The following SLIT1 variants were observed in gnomAD, a reference collection of about 807,000 sequenced individuals.
SLIT1 encodes the protein slit homolog 1 protein.
In SLIT1, 66 loss-of-function variants were observed where a neutral mutation model predicts 186.1. That is an observed-to-expected ratio of 0.35 (90% confidence interval 0.29 to 0.44). The LOEUF is 0.44. SLIT1 is among the 20% of genes least tolerant of loss of function. SLIT1 has a pLI of 1.00. For synonymous variants in SLIT1, 761 were observed against 833.8 expected, an observed-to-expected ratio of 0.91 and a Z score of 1.50; for missense variants, 1,638 against 2,037.4, an observed-to-expected ratio of 0.80 and a Z score of 3.77.
chr10:97,066,848 C>G (rs911014618), intron 4 of SLIT1, among the ~76,000 whole-genome samples: 1 of 152,212 alleles, frequency 6.6e-6, no homozygotes, highest in Non-Finnish European at 1.5e-5. Context: ...TTCAGCCCCC[C>G]ACAGCATCGT....
At position 97,037,750 on chromosome 10, in the gene SLIT1, G is replaced by A; in HGVS notation, c.2314C>T (p.Gln772Ter). 1 of 1,607,412 alleles carries A rather than the reference G, an allele frequency of 6.2e-7. No individual in the cohort carries two copies. Among genetic ancestry groups the A allele is most frequent in the Admixed American group, 1.7e-5 (1 of 59,876 alleles). ...AGCTGTCCCGGAACCAGCGTGAACT[G>A]GTTCCCGTCCAAATAGCTGCAGAGA... is the stretch of plus-strand genomic sequence containing the variant. ...NVTELYLDGNQFTLVPGQLST... is the reference protein window; with the variant it reads ...NVTELYLDGN Residue 772 changes from glutamine to a stop codon, truncating the protein, a stop_gained, in exon 22 of 37, where the codon CAG (glutamine) becomes TAG (stop). Transcript: ENST00000266058. LOFTEE classifies it high-confidence loss of function.
At chr10:97,018,297 G>A (rs1042227041) in intron 28 of SLIT1, among the ~76,000 whole-genome samples, 1 of 152,220 alleles carries the variant, frequency 6.6e-6, no homozygotes, top group Non-Finnish European at 1.5e-5. Flanking sequence ...GGAGGCAGCA[G>A]AGCCCACTCC....
chr10:97,136,755 G>T (rs766293287), intron 4 of SLIT1, among the ~76,000 whole-genome samples: 1 of 152,164 alleles, frequency 6.6e-6, no homozygotes, highest in Admixed American at 6.5e-5. Context: ...GCATACTGTC[G>T]GTGTGTAGGA....
At chr10:97,041,398 A>T (rs1246761391) in intron 20 of SLIT1, among the ~76,000 whole-genome samples, 1 of 151,314 alleles carries the variant, frequency 6.6e-6, no homozygotes, top group African/African-American at 2.4e-5. Flanking sequence ...AGATCTGGAA[A>T]GCCACATAGC....
intron 4 of SLIT1, among the ~76,000 whole-genome samples, chr10:97,073,775 T>C (rs1050898583): frequency 1.3e-4 from 20 of 151,630 alleles, no homozygotes; most frequent in Non-Finnish European, 2.5e-4. Flanking sequence ...GGGCAAGTCA[T>C]GTAACCTCTC....
At chr10:97,185,403 C>A in intron 1 of SLIT1, 75 bp downstream of exon 1, 2 of 1,455,738 alleles carry the variant, frequency 1.4e-6, no homozygotes, top group South Asian at 2.5e-5. Context: ...CTGCCCCCAC[C>A]CCCAAGTCCG....
Position 97,164,843 on chromosome 10 carries a change from G to A in SLIT1, c.245C>T (p.Ala82Val), listed in dbSNP as rs41307074. Residue 82 changes from alanine (A) to valine (V), a missense_variant, in exon 2 of 37, where the codon GCG (alanine) becomes GTG (valine). Ala to Val is a moderately conservative substitution (Grantham distance 64). Transcript: ENST00000266058. ...CAGCACCCGCAGCTGCTTGAGCCCC[G>A]CAAAGTCATTCTTATGGATCCGAGT... ...NITRIHKNDF[A>V]GLKQLRVLQL... The A allele has an allele frequency of 0.062, 99,812 of 1,612,740 alleles. 3,425 individuals carry two copies. Among genetic ancestry groups the A allele is most frequent in the Admixed American group, 0.07 (4,214 of 59,994 alleles).
At chr10:97,065,334 G>A (rs1848934962) in intron 5 of SLIT1, among the ~76,000 whole-genome samples, 1 of 152,182 alleles carries the variant, frequency 6.6e-6, no homozygotes, top group South Asian at 2.1e-4. Flanking sequence ...TGTGAGGTGA[G>A]CTCTGTGGGA....
rs779372952 is a variant in SLIT1, at chr10:97,001,126, C to T, written c.4591G>A (p.Ala1531Thr). 21 of 1,612,702 alleles carry T rather than the reference C, an allele frequency of 1.3e-5. No homozygotes were observed. Among genetic ancestry groups the T allele is most frequent in the Non-Finnish European group, 3.4e-6 (4 of 1,179,774 alleles). The change falls in exon 37 of 37, where the codon GCC (alanine) becomes ACC (threonine). Residue 1531 changes from alanine to threonine, a missense_variant. This residue lies in a region of SLIT1 where 220 missense variants were observed against 211.3 expected (regional missense o/e 1.04). Coordinates refer to ENST00000266058, the MANE Select transcript of SLIT1 (RefSeq NM_003061.3). ...EVEKPTKCGC[A>T]LCA is the part of the protein sequence containing the mutation. The stretch of plus-strand genomic sequence containing the variant: ...CACGCCCAGCGCTATGCGCAGAGGG[C>T]ACAGCCACACTTGGTGGGCTTTTCC...
At chr10:97,169,172 C>T (rs1398133585) in intron 1 of SLIT1, among the ~76,000 whole-genome samples, 1 of 152,186 alleles carries the variant, frequency 6.6e-6, no homozygotes, top group African/African-American at 2.4e-5. Context: ...GGGGGCCCTG[C>T]TTCTGGACCA....
chr10:97,056,769 GC>G (rs1193264887), intron 12 of SLIT1, among the ~76,000 whole-genome samples: 1 of 151,100 alleles, frequency 6.6e-6, no homozygotes, highest in East Asian at 1.9e-4. Flanking sequence ...TTTGGGGGGG[GC>G]TCCTCCTCCT....
intron 8 of SLIT1, among the ~76,000 whole-genome samples, chr10:97,062,793 G>A (rs1848905332): frequency 6.6e-6 from 1 of 152,250 alleles, no homozygotes; most frequent in African/African-American, 2.4e-5. Context: ...AGTGCTGACG[G>A]CCAGGTGAGT....
intron 1 of SLIT1, among the ~76,000 whole-genome samples, chr10:97,165,400 T>C (rs1850091069): frequency 6.6e-6 from 1 of 151,506 alleles, no homozygotes. Context: ...CTCCTGCGAG[T>C]GCCGTATTCT....
At chr10:97,153,878 G>A (rs1849912016) in intron 4 of SLIT1, 1 of 152,162 alleles carries the variant, frequency 6.6e-6, no homozygotes, top group African/African-American at 2.4e-5. Context: ...AACGAGAAAT[G>A]GCCCTCACAT....
intron 31 of SLIT1, among the ~76,000 whole-genome samples, chr10:97,008,838 C>T (rs922976781): frequency 1.5e-4 from 23 of 151,744 alleles, no homozygotes; most frequent in Non-Finnish European, 2.9e-4. Context: ...CCCAGAACAG[C>T]CAAAACAATC....
intron 4 of SLIT1, among the ~76,000 whole-genome samples, chr10:97,132,489 C>T (rs527467672): frequency 3.3e-5 from 5 of 152,176 alleles, no homozygotes; most frequent in Non-Finnish European, 7.3e-5. Flanking sequence ...GTCCAATGGC[C>T]AAGACCTGGT....
intron 4 of SLIT1, among the ~76,000 whole-genome samples, chr10:97,094,026 C>T (rs1849260507): frequency 6.6e-6 from 1 of 152,232 alleles, no homozygotes; most frequent in African/African-American, 2.4e-5. Context: ...TGGGCATTTT[C>T]AGAAGGTGAC....
At chr10:97,174,689 T>C (rs1850234075) in intron 1 of SLIT1, among the ~76,000 whole-genome samples, 2 of 152,182 alleles carry the variant, frequency 1.3e-5, no homozygotes, top group African/African-American at 4.8e-5. Flanking sequence ...AGCCAGCTCA[T>C]TTAAGCCTCG....
Position 97,011,056 on chromosome 10 carries a change from T to C in SLIT1, c.3278A>G (p.Gln1093Arg), listed in dbSNP as rs1042487492. 1 of 1,613,932 alleles carries C rather than the reference T, an allele frequency of 6.2e-7. No homozygotes were observed. The highest frequency in any genetic ancestry group is 1.3e-5 in the African/African-American group (1 of 74,922). ...NQDDCRDHRC[Q>R]NGAQCMDEVN... ...TTCATCCATACACTGGGCCCCATTC[T>C]GGCAGCGGTGGTCCCTGCAGTCATC... is the stretch of plus-strand genomic sequence containing the variant. Residue 1093 changes from glutamine (Q) to arginine (R), a missense_variant, in exon 31 of 37, where the codon CAG becomes CGG. Gln to Arg is a conservative substitution (Grantham distance 43). Transcript: ENST00000266058.
Sources: allele counts gnomAD v4.1 joint callset (sites outside exome capture counted in the v4.1 genomes callset), GRCh38; gene constraint gnomAD v4.1.1; regional missense constraint gnomAD v4.1.1; transcripts MANE v1.5; gene names NCBI Gene and HGNC (gene_info 2026-07-23, HGNC 2026-07-21).